Variants in FCRL6 observed in about 807,000 individuals in gnomAD.
FCRL6 encodes the protein Fc receptor-like protein 6.
FCRL6 carries 50 observed loss-of-function variants against 49.1 expected under a neutral mutation model. That is an observed-to-expected ratio of 1.02 (90% CI 0.81 to 1.29). The LOEUF (loss-of-function observed/expected upper bound fraction) is 1.29. FCRL6 is among the 50% of genes most tolerant of loss of function. The pLI, the probability that FCRL6 is intolerant of heterozygous loss-of-function variation, is 0.00. For synonymous variants in FCRL6, 213 were observed against 199.6 expected, an observed-to-expected ratio of 1.07 and a Z score of -0.57; for missense variants, 571 against 518.5, an observed-to-expected ratio of 1.10 and a Z score of -0.98.
intron 6 of FCRL6, among the ~76,000 whole-genome samples, chr1:159,812,483 C>G (rs1190275628): frequency 1.3e-5 from 2 of 152,244 alleles, no homozygotes; most frequent in South Asian, 2.1e-4. Context: ...CAAAGTAGCA[C>G]TCACCTGCAT....
At chr1:159,810,603 C>T (rs912627382) in intron 6 of FCRL6, among the ~76,000 whole-genome samples, 1 of 151,912 alleles carries the variant, frequency 6.6e-6, no homozygotes, top group Non-Finnish European at 1.5e-5. Flanking sequence ...ACCTCTCTCT[C>T]TCATTGAGCT....
intron 1 of FCRL6, among the ~76,000 whole-genome samples, chr1:159,804,088 T>G (rs1662515445): frequency 6.6e-6 from 1 of 152,128 alleles, no homozygotes. Flanking sequence ...TTAGCCAACT[T>G]CCCTCCTACC....
rs572381944 is a variant in FCRL6 at position 159,816,235 on chromosome 1, C to T, written c.*574C>T. ...CACTATACTTGATAATGATAATAAA[C>T]AACTATGTTACTGGTTTATGTATTT... is the stretch of plus-strand genomic sequence containing the variant. On this transcript the variant is annotated 3_prime_UTR_variant, in exon 10 of 10. Transcript: ENST00000368106. The T allele has an allele frequency of 6.5e-6, 1 of 152,778 alleles. No individual in the cohort carries two copies. The highest frequency in any genetic ancestry group is 6.5e-5 in the Admixed American group (1 of 15,370). The allele number at this position is 152,778 out of a possible 1,614,324, so 9.5% of individuals were successfully genotyped here. A position where few individuals can be genotyped will look rare whatever the true frequency, so the allele number is the denominator to read the frequency against.
In FCRL6 at chr1:159,815,572, C is replaced by A; in HGVS notation, c.1216C>A (p.Gln406Lys). 1.2e-6 allele frequency: 2 copies of A among 1,614,210 alleles called. No homozygotes were observed. The highest frequency in any genetic ancestry group is 8.5e-7 in the Non-Finnish European group (1 of 1,180,024). ...SIICAEVRCL[Q>K]PSEVSSTEVN... is the part of the protein sequence containing the mutation. ...CATCTGTGCGGAGGTGAGATGCCTG[C>A]AGCCCAGTGAGGTTTCATCCACGGA... The change falls in exon 10 of 10, where the codon CAG (glutamine) becomes AAG (lysine). Residue 406 changes from glutamine to lysine, a missense_variant. Physicochemically the swap from Gln to Lys is moderately conservative, Grantham distance 53. Coordinates refer to ENST00000368106, the MANE Select transcript of FCRL6 (RefSeq NM_001004310.3).
intron 7 of FCRL6, among the ~76,000 whole-genome samples, chr1:159,813,863 T>C (rs1663228862): frequency 6.6e-6 from 1 of 152,262 alleles, no homozygotes; most frequent in Admixed American, 6.5e-5. Context: ...AGTTTTACTG[T>C]AACACACACA....
Position 159,809,042 on chromosome 1 carries a change from C to G in FCRL6, c.401C>G (p.Thr134Arg). Residue 134 changes from threonine to arginine, a missense_variant, in exon 4 of 10, where the codon ACA becomes AGA. Physicochemically the swap from Thr to Arg is moderately conservative, Grantham distance 71. Transcript: ENST00000368106. ...EGSLVTLRCQTKLHPLRSALR... is the reference protein window; with the variant it reads ...EGSLVTLRCQRKLHPLRSALR... ...AGCCTGGTGACCCTGAGATGTCAGA[C>G]AAAGCTGCACCCCCTGAGGTCAGCC... 1.9e-6 allele frequency: 3 copies of G among 1,614,084 alleles called. No individual in the cohort carries two copies. Among genetic ancestry groups the G allele is most frequent in the Non-Finnish European group, 2.5e-6 (3 of 1,179,990 alleles).
chr1:159,813,547 T>A lies in FCRL6; in HGVS notation c.1068T>A (p.Tyr356Ter). 3 of 1,614,018 alleles carry A rather than the reference T, an allele frequency of 1.9e-6. No individual in the cohort carries two copies. The highest frequency in any genetic ancestry group is 2.2e-5 in the South Asian group (2 of 91,076). ...TAPGGEQCPL[Y>*]ANVHHQKGKD... is the part of the protein sequence containing the mutation. ...CAGGTGGAGAGCAGTGCCCACTATA[T>A]GCCAACGGTAAGGACTTCCAGCAGG... The change falls in exon 7 of 10, where the codon TAT becomes TAA. Residue 356 changes from tyrosine to a stop codon, truncating the protein, a stop_gained. Transcript: ENST00000368106. LOFTEE classifies it high-confidence loss of function.
chr1:159,809,803 G>A, intron 5 of FCRL6, 120 bp downstream of exon 5: 1 of 885,800 alleles, frequency 1.1e-6, no homozygotes. Flanking sequence ...GCCACTGCAT[G>A]ACTGAGCATG....
rs75387880 is a variant in FCRL6, at chr1:159,813,570, A to G, written c.1075+16A>G. On this transcript the variant is annotated intron_variant, in intron 7 of 9. Coordinates refer to ENST00000368106, the MANE Select transcript of FCRL6 (RefSeq NM_001004310.3). ...TATGCCAACGGTAAGGACTTCCAGC[A>G]GGATGGTGGTGTGCCCATGTGGGCC... The G allele has an allele frequency of 2.5e-3, 3,966 of 1,612,682 alleles. 69 individuals carry two copies. The Admixed American group carries it at 0.034, about 14-fold the overall frequency.
intron 5 of FCRL6, 125 bp from the exon 6 acceptor site, chr1:159,809,969 T>G: frequency 8.1e-7 from 1 of 1,233,318 alleles, no homozygotes; most frequent in Non-Finnish European, 1.1e-6. Flanking sequence ...TGCCCATCTA[T>G]GAGGCTCCCC....
At chr1:159,815,058 G>A (rs114915301) in intron 8 of FCRL6, among the ~76,000 whole-genome samples, 302 of 152,326 alleles carry the variant, frequency 2.0e-3, no homozygotes, top group African/African-American at 7.0e-3. Context: ...AAAACAGGGA[G>A]TTTTGTTGTT....
intron 6 of FCRL6, 133 bp downstream of exon 6, chr1:159,810,349 T>G: frequency 9.1e-7 from 1 of 1,099,218 alleles, no homozygotes; most frequent in Middle Eastern, 3.2e-4. Context: ...GGGACTTCTC[T>G]TCCTGTGTCA....
intron 6 of FCRL6, among the ~76,000 whole-genome samples, chr1:159,811,463 G>A (rs1663083412): frequency 6.6e-6 from 1 of 152,098 alleles, no homozygotes; most frequent in Non-Finnish European, 1.5e-5. Context: ...AGTTTTCTAG[G>A]AGCTGGACCA....
At chr1:159,814,366 A>G in intron 8 of FCRL6, 74 bp downstream of exon 8, 2 of 1,038,738 alleles carry the variant, frequency 1.9e-6, no homozygotes, top group Non-Finnish European at 3.0e-6. Context: ...TATCACTACC[A>G]CTGTCATTAC....
chr1:159,815,928 G>A lies in FCRL6; in HGVS notation c.*267G>A, dbSNP rs1663378480. On this transcript the variant is annotated 3_prime_UTR_variant, in exon 10 of 10. Coordinates refer to ENST00000368106, the MANE Select transcript of FCRL6 (RefSeq NM_001004310.3). ...GACACTGGACACATAAGCCACAGAT[G>A]TCTTCTTTCCATACAAGCATGTTAG... is the stretch of plus-strand genomic sequence containing the variant. 2.4e-6 allele frequency: 1 copy of A among 418,396 alleles called. No homozygotes were observed. The allele number at this position is 418,396 out of a possible 1,614,324, so 25.9% of individuals were successfully genotyped here.
In FCRL6 at chr1:159,809,611, G is replaced by A. The variant is rs775066480; in HGVS notation, c.814G>A (p.Gly272Arg). The A allele has an allele frequency of 5.0e-6, 8 of 1,614,184 alleles. No individual in the cohort carries two copies. Among genetic ancestry groups the A allele is most frequent in the Non-Finnish European group, 6.8e-6 (8 of 1,180,026 alleles). Residue 272 changes from glycine to arginine, a missense_variant, in exon 5 of 10, where the codon GGG becomes AGG. Coordinates refer to ENST00000368106, the MANE Select transcript of FCRL6 (RefSeq NM_001004310.3). ...LFPVKSEQDA[G>R]NYSCEAENSV... is the part of the protein sequence containing the mutation. ...CCCAGTGAAGTCAGAACAGGATGCTGGGAACTACTCCTGCGAGGCTGAGAA... is the reference window on the plus strand; with the variant it reads ...CCCAGTGAAGTCAGAACAGGATGCTAGGAACTACTCCTGCGAGGCTGAGAA...
chr1:159,806,677 T>C, intron 2 of FCRL6, 61 bp downstream of exon 2: 2 of 1,552,612 alleles, frequency 1.3e-6, no homozygotes, highest in South Asian at 1.1e-5. Flanking sequence ...ACTTACTGGA[T>C]GGGAACAGGA....
chr1:159,801,585 C>T (rs960906226), upstream of FCRL6, among the ~76,000 whole-genome samples: 5 of 152,156 alleles, frequency 3.3e-5, no homozygotes, highest in African/African-American at 7.2e-5. Context: ...TGATTTGACA[C>T]GTGGATATCT....
chr1:159,809,351 G>T, intron 4 of FCRL6, 51 bp from the exon 5 acceptor site: 2 of 1,537,506 alleles, frequency 1.3e-6, no homozygotes, highest in East Asian at 4.5e-5. Context: ...AGAGGAGGGA[G>T]CCAGGGTCCT....
Sources: allele counts gnomAD v4.1 joint callset (sites outside exome capture counted in the v4.1 genomes callset), GRCh38; gene constraint gnomAD v4.1.1; transcripts MANE v1.5; gene names NCBI Gene and HGNC (gene_info 2026-07-23, HGNC 2026-07-21).